HTN3: variants seen among roughly 807,000 people sequenced by gnomAD.
The protein encoded by HTN3 is histatin 3.
Under a neutral mutation model 10.6 loss-of-function variants are expected in HTN3, and 15 were observed. The observed-to-expected ratio is 1.42, with a 90% CI of 0.95 to 2.18. The LOEUF (loss-of-function observed/expected upper bound fraction) is 2.18, where lower values mean the gene tolerates loss of function less well. HTN3 is among the 30% of genes most tolerant of loss of function. HTN3 has a pLI of 0.00. For missense variants in HTN3, 68 were observed against 58.0 expected, an observed-to-expected ratio of 1.17 and a Z score of -0.56; for synonymous variants, 15 against 16.9, an observed-to-expected ratio of 0.89 and a Z score of 0.27.
chr4:70,031,010 T>C (rs1183339487), intron 2 of HTN3: 2 of 392,602 alleles, frequency 5.1e-6, no homozygotes, highest in African/African-American at 4.3e-5. Context: ...TACTTGAATA[T>C]AAAAATAAAA....
chr4:70,032,005 A>G lies in HTN3; in HGVS notation c.72+6A>G. On this transcript the variant is annotated splice_donor_region_variant and intron_variant, in intron 3 of 5. Coordinates refer to ENST00000673563, the MANE Select transcript of HTN3 (RefSeq NM_000200.3). ...GAGCTGATTCACATGCAAAGGTAAG[A>G]CATTTTCATTTACTGGAAAACTTGA... 1 of 1,565,012 alleles carries G rather than the reference A, an allele frequency of 6.4e-7. No individual in the cohort carries two copies. The highest frequency in any genetic ancestry group is 8.8e-7 in the Non-Finnish European group (1 of 1,139,764).
chr4:70,035,120 C>T (rs773182573), intron 5 of HTN3, among the ~76,000 whole-genome samples: 1 of 152,094 alleles, frequency 6.6e-6, no homozygotes, highest in Non-Finnish European at 1.5e-5. Flanking sequence ...ACCTATGAAA[C>T]AATCCTGCAC....
At chr4:70,030,206 T>C (rs1279632009) in intron 1 of HTN3, among the ~76,000 whole-genome samples, 1 of 152,196 alleles carries the variant, frequency 6.6e-6, no homozygotes, top group Non-Finnish European at 1.5e-5. Flanking sequence ...TCATTCCATA[T>C]AATCCAACTC....
intron 1 of HTN3, among the ~76,000 whole-genome samples, chr4:70,030,436 G>A (rs1725355070): frequency 6.6e-6 from 1 of 152,064 alleles, no homozygotes; most frequent in Non-Finnish European, 1.5e-5. Flanking sequence ...GAACAGTCTG[G>A]GCAATATAGT....
intron 1 of HTN3, among the ~76,000 whole-genome samples, chr4:70,030,361 C>T (rs1429270604): frequency 6.6e-6 from 1 of 152,100 alleles, no homozygotes; most frequent in Non-Finnish European, 1.5e-5. Context: ...GCCCTGGGCT[C>T]ACACCGAAGA....
intron 1 of HTN3, among the ~76,000 whole-genome samples, chr4:70,029,687 T>G (rs1248991305): frequency 6.6e-6 from 1 of 152,048 alleles, no homozygotes; most frequent in Non-Finnish European, 1.5e-5. Flanking sequence ...TAGAAATAAG[T>G]AATCCGCTTT....
chr4:70,035,228 C>T (rs914167565), intron 5 of HTN3, among the ~76,000 whole-genome samples: 1 of 152,210 alleles, frequency 6.6e-6, no homozygotes, highest in African/African-American at 2.4e-5. Context: ...TGTTAAGAGA[C>T]AGAGTTCTGG....
At chr4:70,033,574 C>G in intron 5 of HTN3, 1 of 174,116 alleles carries the variant, frequency 5.7e-6, no homozygotes, top group Non-Finnish European at 1.2e-5. Flanking sequence ...CTTTTGCTTA[C>G]AATTGTCTTG....
At chr4:70,030,846 C>A in intron 2 of HTN3, 55 bp downstream of exon 2, 1 of 1,304,712 alleles carries the variant, frequency 7.7e-7, no homozygotes, top group Non-Finnish European at 1.1e-6. Flanking sequence ...TCCCAAGGAT[C>A]TTTCTTATTC....
At chr4:70,031,367 T>G (rs1725377905) in intron 2 of HTN3, 1 of 152,762 alleles carries the variant, frequency 6.5e-6, no homozygotes. Flanking sequence ...CTGGAGCTCT[T>G]TCTCCTTCTC....
At chr4:70,032,038 T>A in intron 3 of HTN3, 39 bp downstream of exon 3, 1 of 1,544,936 alleles carries the variant, frequency 6.5e-7, no homozygotes, top group South Asian at 1.2e-5. Context: ...TGATAATTAA[T>A]CATATATTGA....
chr4:70,032,336 T>C (rs1725401239), intron 4 of HTN3, among the ~76,000 whole-genome samples: 1 of 152,060 alleles, frequency 6.6e-6, no homozygotes, highest in Admixed American at 6.5e-5. Flanking sequence ...AATTTTCAAT[T>C]ATTCTTTGAG....
chr4:70,029,909 A>G (rs1431137466), intron 1 of HTN3, among the ~76,000 whole-genome samples: 1 of 152,150 alleles, frequency 6.6e-6, no homozygotes, highest in Non-Finnish European at 1.5e-5. Flanking sequence ...TCTAATCTCA[A>G]GGTTGCACCA....
chr4:70,033,138 A>G, intron 4 of HTN3, 29 bp from the exon 5 acceptor site: 2 of 1,569,182 alleles, frequency 1.3e-6, no homozygotes, highest in South Asian at 2.3e-5. Flanking sequence ...ATTCTCTGCA[A>G]TTTGCTCTCT....
chr4:70,031,891 C>A lies in HTN3; in HGVS notation c.52-88C>A, dbSNP rs140395501. The A allele has an allele frequency of 3.2e-4, 297 of 921,134 alleles. 1 individual carries two copies. In the East Asian group the frequency reaches 6.1e-3, roughly 19 times the overall value. The allele number at this position is 921,134 out of a possible 1,614,324, so 57.1% of individuals were successfully genotyped here. On this transcript the variant is annotated intron_variant, in intron 2 of 5. Transcript: ENST00000673563. Reference sequence around the variant, plus strand: ...AAAGAATGCCTCCATTCTATTTAATCATAAATGTGGCTAAGTCAATTTTTA... The same window carrying A: ...AAAGAATGCCTCCATTCTATTTAATAATAAATGTGGCTAAGTCAATTTTTA...
chr4:70,032,337 A>G (rs1180491278), intron 4 of HTN3, among the ~76,000 whole-genome samples: 2 of 152,060 alleles, frequency 1.3e-5, no homozygotes, highest in Admixed American at 6.5e-5. Context: ...ATTTTCAATT[A>G]TTCTTTGAGA....
rs556557076 is a variant in HTN3, at chr4:70,035,086, A to C, written c.*34-1181A>C. 2.0e-5 allele frequency among the ~76,000 whole-genome samples: 3 copies of C among 152,326 alleles called. No homozygotes were observed. The South Asian group carries it at 6.2e-4, about 32-fold the overall frequency. On this transcript the variant is annotated intron_variant, in intron 5 of 5. Coordinates refer to ENST00000673563, the MANE Select transcript of HTN3 (RefSeq NM_000200.3). ...AACATAGAGGGCTGATCAATAGTGC[A>C]GCAAACCACCATGGCACATGTATAC...
chr4:70,029,283 A>T (rs931227799), intron 1 of HTN3, among the ~76,000 whole-genome samples: 56 of 152,076 alleles, frequency 3.7e-4, no homozygotes, highest in Admixed American at 2.2e-3. Flanking sequence ...TTTTTATATC[A>T]TAAAAAGAGT....
chr4:70,029,975 A>G (rs1306801576), intron 1 of HTN3, among the ~76,000 whole-genome samples: 1 of 152,214 alleles, frequency 6.6e-6, no homozygotes, highest in Non-Finnish European at 1.5e-5. Flanking sequence ...TATTATAAAG[A>G]AAGTCCCCAT....
Sources: gnomAD v4.1 joint callset for allele counts (sites outside exome capture counted in the v4.1 genomes callset) on GRCh38, gnomAD v4.1.1 for gene constraint, MANE v1.5 for transcripts, NCBI Gene and HGNC (gene_info 2026-07-23, HGNC 2026-07-21) for gene names.